The following INSYN2A variants were observed in gnomAD, a reference collection of about 807,000 sequenced individuals.
INSYN2A encodes family with sequence similarity 196 member A.
In INSYN2A, 17 loss-of-function variants were observed where a neutral mutation model predicts 39.4. The ratio of observed to expected loss-of-function variants is 0.43; its 90% CI spans 0.30 to 0.65. The LOEUF is 0.65. INSYN2A is among the 30% of genes least tolerant of loss of function. The pLI is 0.14. For missense variants in INSYN2A, 595 were observed against 631.2 expected, an observed-to-expected ratio of 0.94 and a Z score of 0.61; for synonymous variants, 255 against 265.7, an observed-to-expected ratio of 0.96 and a Z score of 0.39.
intron 4 of INSYN2A, among the ~76,000 whole-genome samples, chr10:127,171,423 T>G (rs2054559293): frequency 6.6e-6 from 1 of 152,180 alleles, no homozygotes; most frequent in Non-Finnish European, 1.5e-5. Flanking sequence ...AATACTGGCT[T>G]CCCAAGGAGC....
chr10:127,185,952 T>C (rs1022549898), intron 2 of INSYN2A, among the ~76,000 whole-genome samples: 1 of 152,230 alleles, frequency 6.6e-6, no homozygotes, highest in African/African-American at 2.4e-5. Flanking sequence ...TTTGTTCTTA[T>C]ATTACTCAAC....
intron 5 of INSYN2A, among the ~76,000 whole-genome samples, chr10:127,143,956 G>T (rs1018874738): frequency 2.6e-5 from 4 of 152,096 alleles, no homozygotes; most frequent in African/African-American, 9.7e-5. Context: ...GACTCAGCCT[G>T]CAGCCCCCAT....
intron 5 of INSYN2A, among the ~76,000 whole-genome samples, chr10:127,142,537 A>T (rs2051365430): frequency 6.6e-6 from 1 of 152,218 alleles, no homozygotes; most frequent in African/African-American, 2.4e-5. Context: ...AGCTGGAGCC[A>T]GGCCAGCCTT....
At chr10:127,181,561 A>G (rs1468750993) in intron 2 of INSYN2A, among the ~76,000 whole-genome samples, 3 of 152,230 alleles carry the variant, frequency 2.0e-5, no homozygotes, top group Admixed American at 6.5e-5. Context: ...AAGGGATTGT[A>G]TGAAATTATG....
At chr10:127,174,567 G>T (rs1459930307) in intron 4 of INSYN2A, among the ~76,000 whole-genome samples, 5 of 152,158 alleles carry the variant, frequency 3.3e-5, no homozygotes, top group Non-Finnish European at 7.3e-5. Flanking sequence ...TCTTTCTGCA[G>T]CCCCACTGGA....
At chr10:127,144,707 T>C (rs936527874) in intron 5 of INSYN2A, among the ~76,000 whole-genome samples, 4 of 152,230 alleles carry the variant, frequency 2.6e-5, no homozygotes, top group Admixed American at 6.5e-5. Flanking sequence ...CCTAATAGTT[T>C]AAAATATCAG....
chr10:127,139,137 G>A (rs945361446), intron 5 of INSYN2A, among the ~76,000 whole-genome samples: 30 of 152,220 alleles, frequency 2.0e-4, no homozygotes, highest in Non-Finnish European at 3.7e-4. Flanking sequence ...TAAAGGCTCA[G>A]CGTTGATGAT....
At chr10:127,140,084 G>A (rs1259862968) in intron 5 of INSYN2A, among the ~76,000 whole-genome samples, 4 of 152,226 alleles carry the variant, frequency 2.6e-5, no homozygotes, top group African/African-American at 4.8e-5. Context: ...GATCGTAACC[G>A]TTTCAACAGC....
At chr10:127,174,396 C>T (rs964287105) in intron 4 of INSYN2A, among the ~76,000 whole-genome samples, 3 of 152,176 alleles carry the variant, frequency 2.0e-5, no homozygotes, top group Admixed American at 2.0e-4. Flanking sequence ...GAGCACATGC[C>T]GGCCTGTAGG....
chr10:127,182,154 C>A (rs2055798831), intron 2 of INSYN2A, among the ~76,000 whole-genome samples: 1 of 152,062 alleles, frequency 6.6e-6, no homozygotes, highest in African/African-American at 2.4e-5. Flanking sequence ...TGCAGTGAAA[C>A]CTCTGTCATT....
intron 2 of INSYN2A, among the ~76,000 whole-genome samples, chr10:127,178,503 A>T (rs2055397300): frequency 6.6e-6 from 1 of 152,306 alleles, no homozygotes; most frequent in African/African-American, 2.4e-5. Flanking sequence ...CCATTACCAG[A>T]TGAGCCTGGG....
At chr10:127,163,112 C>T (rs1451495519) in intron 4 of INSYN2A, among the ~76,000 whole-genome samples, 1 of 152,164 alleles carries the variant, frequency 6.6e-6, no homozygotes, top group African/African-American at 2.4e-5. Flanking sequence ...GCAGACCATG[C>T]CACTGTGGAA....
In INSYN2A at chr10:127,156,576, T is replaced by C. The variant is rs2133578138; in HGVS notation, c.1185-2653A>G. Among the ~76,000 whole-genome samples the C allele has an allele frequency of 2.1e-5, 3 of 141,292 alleles. No homozygotes were observed. In the East Asian group the frequency reaches 6.1e-4, roughly 29 times the overall value. 92.7% of individuals were successfully genotyped at this position (141,292 alleles called of 152,430 possible). On this transcript the variant is annotated intron_variant, in intron 4 of 5. Transcript: ENST00000522781. ...TTCTTCTTCTTCTTTTTTTTTTTTTTTTTTTTTTGAGACCAAGTTTCGCTC... is the reference window on the plus strand; with the variant it reads ...TTCTTCTTCTTCTTTTTTTTTTTTTCTTTTTTTTGAGACCAAGTTTCGCTC...
rs3066813 is a variant in INSYN2A, at chr10:127,183,071, C to CTTTTTTTTTTTTTTTTT, written c.-268-5949_-268-5933dup. Among the ~76,000 whole-genome samples the CTTTTTTTTTTTTTTTTT allele has an allele frequency of 3.4e-5, 3 of 88,634 alleles. 1 individual carries two copies. Among genetic ancestry groups the CTTTTTTTTTTTTTTTTT allele is most frequent in the African/African-American group, 8.5e-5 (2 of 23,396 alleles). 58.1% of individuals were successfully genotyped at this position (88,634 alleles called of 152,430 possible). On this transcript the variant is annotated intron_variant, in intron 2 of 5. Coordinates refer to ENST00000522781, the MANE Select transcript of INSYN2A (RefSeq NM_001039762.3). ...CTTTGCCTTCCTGATTATGGTGAATCTTTTTTTTTTTTTTTTTTTTTTTTT... is the reference window on the plus strand; with the variant it reads ...CTTTGCCTTCCTGATTATGGTGAATCTTTTTTTTTTTTTTTTTTTTTTTTTTTTTTTTTTTTTTTTTT...
At chr10:127,140,500 G>A (rs1309526124) in intron 5 of INSYN2A, among the ~76,000 whole-genome samples, 2 of 152,154 alleles carry the variant, frequency 1.3e-5, no homozygotes, top group Non-Finnish European at 2.9e-5. Context: ...ATCTGCGTGT[G>A]GGATGACGCC....
chr10:127,168,022 C>A (rs1378203793), intron 4 of INSYN2A, among the ~76,000 whole-genome samples: 1 of 152,166 alleles, frequency 6.6e-6, no homozygotes, highest in Non-Finnish European at 1.5e-5. Flanking sequence ...TTCATTTCAT[C>A]TCCAAGAGAA....
intron 2 of INSYN2A, among the ~76,000 whole-genome samples, chr10:127,186,450 A>C (rs934975817): frequency 4.8e-5 from 7 of 145,458 alleles, no homozygotes; most frequent in Non-Finnish European, 1.0e-4. Context: ...TCCGATAGAC[A>C]ACCATCAGAT....
At chr10:127,146,342 T>A (rs2051851545) in intron 5 of INSYN2A, among the ~76,000 whole-genome samples, 2 of 152,188 alleles carry the variant, frequency 1.3e-5, no homozygotes, top group African/African-American at 4.8e-5. Context: ...TTTCCTAGCA[T>A]CTAAATAAGA....
At chr10:127,171,658 C>T (rs2054585926) in intron 4 of INSYN2A, among the ~76,000 whole-genome samples, 1 of 152,104 alleles carries the variant, frequency 6.6e-6, no homozygotes, top group Non-Finnish European at 1.5e-5. Context: ...TTCTCCAGCT[C>T]CTGATTTGTA....
Sources: allele counts gnomAD v4.1 joint callset (sites outside exome capture counted in the v4.1 genomes callset), GRCh38; gene constraint gnomAD v4.1.1; transcripts MANE v1.5; gene names NCBI Gene and HGNC (gene_info 2026-07-23, HGNC 2026-07-21).